The following CACNA1A variants were observed in gnomAD, a reference collection of about 807,000 sequenced individuals.
CACNA1A encodes calcium voltage-gated channel subunit alpha1 A, also known as voltage-dependent P/Q-type calcium channel subunit alpha-1A.
CACNA1A carries 57 observed loss-of-function variants against 262.4 expected under a neutral mutation model. That is an observed-to-expected ratio of 0.22 (90% CI 0.18 to 0.27). CACNA1A has a LOEUF of 0.27. Ranked by LOEUF, CACNA1A falls within the 10% of genes least tolerant of loss-of-function variation. The probability of loss-of-function intolerance (pLI) is 1.00; values close to 1 mark genes in which losing one functional copy is unlikely to be tolerated. For synonymous variants in CACNA1A, 1,431 were observed against 1,419.3 expected (o/e 1.01, Z -0.18); for missense variants, 2,526 against 3,562.8 (o/e 0.71, Z 7.41).
At chr19:13,356,569 C>T (rs2059010498) in intron 6 of CACNA1A, among the ~76,000 whole-genome samples, 1 of 152,182 alleles carries the variant, frequency 6.6e-6, no homozygotes, top group Non-Finnish European at 1.5e-5. Flanking sequence ...TTCATGCTTC[C>T]TGTCCCACCA....
chr19:13,464,239 A>G (rs1338835667), intron 1 of CACNA1A, among the ~76,000 whole-genome samples: 5 of 152,104 alleles, frequency 3.3e-5, no homozygotes, highest in Non-Finnish European at 5.9e-5. Context: ...ATACATTTAA[A>G]AATAAGAAAA....
intron 12 of CACNA1A, among the ~76,000 whole-genome samples, chr19:13,309,202 GT>G (rs1324691633): frequency 6.6e-6 from 1 of 151,864 alleles, no homozygotes; most frequent in African/African-American, 2.4e-5. Flanking sequence ...TAGAGACGGG[GT>G]TTCACTGTGT....
At chr19:13,476,828 G>A (rs866235008) in intron 1 of CACNA1A, among the ~76,000 whole-genome samples, 12 of 152,068 alleles carry the variant, frequency 7.9e-5, no homozygotes, top group Non-Finnish European at 2.9e-5. Context: ...TTACCTGCCA[G>A]GACCAACACT....
Position 13,285,001 on chromosome 19 carries a change from G to A in CACNA1A, c.3692+67C>T, listed in dbSNP as rs2057369125. On this transcript the variant is annotated intron_variant, in intron 21 of 46. Coordinates refer to ENST00000360228, the MANE Select transcript of CACNA1A (RefSeq NM_001127222.2). The stretch of plus-strand genomic sequence containing the variant: ...AACACTCACTCATTGCCCTCTATCT[G>A]GCCTGACTTCCGCCACCCTGGTGGG... 6 of 1,550,728 alleles carry A rather than the reference G, an allele frequency of 3.9e-6. No individual in the cohort carries two copies. The East Asian group carries it at 1.1e-4, about 29-fold the overall frequency.
intron 24 of CACNA1A, among the ~76,000 whole-genome samples, chr19:13,266,280 C>T (rs1306313668): frequency 1.3e-5 from 2 of 151,870 alleles, no homozygotes; most frequent in African/African-American, 4.8e-5. Context: ...GATCATAGCT[C>T]ACCGCAGCCT....
intron 46 of CACNA1A, 58 bp from the exon 47 acceptor site, chr19:13,208,111 G>A (rs968134320): frequency 1.0e-4 from 102 of 1,004,856 alleles, no homozygotes; most frequent in Non-Finnish European, 1.2e-4. Context: ...AATCAAAGGA[G>A]ACACGGGATT....
chr19:13,285,039 C>G (rs757051242), intron 21 of CACNA1A, 29 bp downstream of exon 21: 9 of 1,613,680 alleles, frequency 5.6e-6, no homozygotes, highest in Non-Finnish European at 5.9e-6. Context: ...CCCCAGGCCC[C>G]CCCTGCCCTT....
intron 1 of CACNA1A, among the ~76,000 whole-genome samples, chr19:13,474,172 C>G (rs929381951): frequency 6.6e-6 from 1 of 152,224 alleles, no homozygotes; most frequent in Non-Finnish European, 1.5e-5. Flanking sequence ...CCAGCGCAGA[C>G]AGAACATCAA....
Position 13,213,457 on chromosome 19 carries a change from C to T in CACNA1A, c.5941-717G>A, listed in dbSNP as rs189184573. On this transcript the variant is annotated intron_variant, in intron 40 of 46. Transcript: ENST00000360228. ...CACTTTCCCCCACGACACTTTCTTT[C>T]TCTTTGCTGGATGTTGCACGATTCA... Among the ~76,000 whole-genome samples the T allele has an allele frequency of 5.9e-5, 9 of 152,304 alleles. No homozygotes were observed. In the South Asian group the frequency reaches 6.2e-4, roughly 11 times the overall value.
intron 19 of CACNA1A, among the ~76,000 whole-genome samples, chr19:13,291,587 C>G (rs781331358): frequency 2.0e-4 from 30 of 149,014 alleles, no homozygotes; most frequent in Non-Finnish European, 4.1e-4. Flanking sequence ...TCGCTTGAGC[C>G]CAGGAGTTTG....
intron 15 of CACNA1A, among the ~76,000 whole-genome samples, chr19:13,305,580 G>A (rs968421163): frequency 6.6e-6 from 1 of 152,186 alleles, no homozygotes; most frequent in Non-Finnish European, 1.5e-5. Flanking sequence ...ATTTGGGGCT[G>A]TCCTGTGCAT....
In CACNA1A at chr19:13,317,108, T is replaced by C; in HGVS notation, c.1555+4A>G. 1.3e-6 allele frequency: 2 copies of C among 1,598,896 alleles called. No homozygotes were observed. Among genetic ancestry groups the C allele is most frequent in the Non-Finnish European group, 1.7e-6 (2 of 1,167,586 alleles). On this transcript the variant is annotated splice_donor_region_variant and intron_variant, in intron 11 of 46. Transcript: ENST00000360228. ...TGGCAGGGGTGGGGCTGGGTGATAC[T>C]CACAAAGGAAGTCGGAGAGCCACTC... is the stretch of plus-strand genomic sequence containing the variant.
Position 13,227,594 on chromosome 19 carries a change from G to A in CACNA1A, c.5529-67C>T, listed in dbSNP as rs572326563. On this transcript the variant is annotated intron_variant, in intron 36 of 46. Transcript: ENST00000360228. Reference sequence around the variant, plus strand: ...AAAACAAAACGGGAATGGGAACAGAGAACCAAAGGAAGAGAGGTGGGGAGA... The same window carrying A: ...AAAACAAAACGGGAATGGGAACAGAAAACCAAAGGAAGAGAGGTGGGGAGA... The A allele has an allele frequency of 5.1e-6, 4 of 781,822 alleles. No homozygotes were observed. In the African/African-American group the frequency reaches 5.3e-5, roughly 10 times the overall value. 48.4% of individuals were successfully genotyped at this position (781,822 alleles called of 1,614,324 possible).
intron 6 of CACNA1A, among the ~76,000 whole-genome samples, chr19:13,336,608 A>G (rs569309728): frequency 6.1e-4 from 82 of 133,578 alleles, no homozygotes; most frequent in Middle Eastern, 4.1e-3. Flanking sequence ...AGAGAGAGAG[A>G]GAGAGAGAGA....
At chr19:13,409,679 G>A (rs1470458386) in intron 3 of CACNA1A, among the ~76,000 whole-genome samples, 1 of 152,054 alleles carries the variant, frequency 6.6e-6, no homozygotes, top group African/African-American at 2.4e-5. Flanking sequence ...CCGAATAGCT[G>A]GGACTACGTG....
At chr19:13,223,743 T>TC (rs1166426253) in intron 38 of CACNA1A, among the ~76,000 whole-genome samples, 2 of 151,958 alleles carry the variant, frequency 1.3e-5, no homozygotes, top group Admixed American at 1.3e-4. Context: ...TGGAGCACCT[T>TC]CCCCCCAGGG....
chr19:13,286,897 G>T lies in CACNA1A; in HGVS notation c.3159C>A (p.Asp1053Glu). 6.2e-7 allele frequency: 1 copy of T among 1,613,442 alleles called. No individual in the cohort carries two copies. Among genetic ancestry groups the T allele is most frequent in the South Asian group, 1.1e-5 (1 of 91,088 alleles). The stretch of plus-strand genomic sequence containing the variant: ...CCAGGGGTGGGTCTTGGCGGCCCAG[G>T]TCCTGCTGGATTGGCCGGGTGGTTG... The part of the protein sequence containing the change: ...NLSTTRPIQQ[D>E]LGRQDPPLAE... Residue 1053 changes from aspartate to glutamate, a missense_variant, in exon 20 of 47, where the codon GAC becomes GAA. Asp to Glu is a conservative substitution (Grantham distance 45). Around this residue, in one of 17 missense-constraint regions of CACNA1A, gnomAD observed 765 missense variants for 748.6 expected, o/e 1.02. Coordinates refer to ENST00000360228, the MANE Select transcript of CACNA1A (RefSeq NM_001127222.2).
intron 43 of CACNA1A, 64 bp from the exon 44 acceptor site, chr19:13,210,716 G>GC: frequency 6.7e-7 from 1 of 1,502,838 alleles, no homozygotes; most frequent in Non-Finnish European, 9.1e-7. Flanking sequence ...AATATAAAAG[G>GC]CAAGAGGGAG....
intron 21 of CACNA1A, 97 bp from the exon 22 acceptor site, chr19:13,283,493 C>T: frequency 6.8e-7 from 1 of 1,479,248 alleles, no homozygotes; most frequent in Non-Finnish European, 9.2e-7. Flanking sequence ...CTACTGAGAT[C>T]TCCAACCCCC....
Sources: gnomAD v4.1 joint callset for allele counts (sites outside exome capture counted in the v4.1 genomes callset) on GRCh38, gnomAD v4.1.1 for gene constraint, gnomAD v4.1.1 regional missense constraint, MANE v1.5 for transcripts, NCBI Gene and HGNC (gene_info 2026-07-23, HGNC 2026-07-21) for gene names.